COLEC10: variants seen among roughly 807,000 people sequenced by gnomAD.
COLEC10 encodes the protein collectin-10.
COLEC10 carries 22 observed loss-of-function variants against 28.4 expected under a neutral mutation model. The ratio of observed to expected loss-of-function variants is 0.78; its 90% CI spans 0.55 to 1.11. The LOEUF is 1.11. Among genes scored for constraint, COLEC10 ranks in the 50% least tolerant of loss-of-function variants. The pLI is 0.00. For missense variants in COLEC10, 361 were observed against 344.1 expected (o/e 1.05, Z -0.39); for synonymous variants, 125 against 116.1 (o/e 1.08, Z -0.49).
In COLEC10 at chr8:119,106,298, C is replaced by G; in HGVS notation, c.*107C>G. On this transcript the variant is annotated 3_prime_UTR_variant, in exon 6 of 6. Transcript: ENST00000332843. ...CTACATTTGATCTGAGTCAACATAG[C>G]TAGAAAATGCTAAACTGAGGTATGG... The G allele has an allele frequency of 4.2e-6, 5 of 1,176,552 alleles. No individual in the cohort carries two copies. Among genetic ancestry groups the G allele is most frequent in the Non-Finnish European group, 6.0e-6 (5 of 837,624 alleles). The allele number at this position is 1,176,552 out of a possible 1,614,324, so 72.9% of individuals were successfully genotyped here. A position where few individuals can be genotyped will look rare whatever the true frequency, so the allele number is the denominator to read the frequency against.
chr8:119,023,782 T>A (rs1158925527), intron 2 of COLEC10, among the ~76,000 whole-genome samples: 1 of 152,194 alleles, frequency 6.6e-6, no homozygotes, highest in Admixed American at 6.5e-5. Context: ...ATGCATTCTA[T>A]GAAAGCTACA....
the COLEC10 span, among the ~76,000 whole-genome samples, chr8:118,962,629 A>G: frequency 2.0e-5 from 3 of 152,196 alleles, no homozygotes; most frequent in Non-Finnish European, 4.4e-5. Context: ...TTAACATGAG[A>G]TCTACTCTCT....
chr8:118,957,618 C>T, the COLEC10 span, among the ~76,000 whole-genome samples: 12 of 152,294 alleles, frequency 7.9e-5, no homozygotes, highest in African/African-American at 2.9e-4. Flanking sequence ...AAGCCATTGG[C>T]ATGTCTTAAA....
intron 1 of COLEC10, among the ~76,000 whole-genome samples, chr8:119,085,599 C>CTTCTT (rs1563739053): frequency 4.9e-4 from 31 of 63,560 alleles, no homozygotes; most frequent in East Asian, 1.8e-3. Flanking sequence ...TCTTCTTCTT[C>CTTCTT]TTTTTTTTTT....
chr8:119,014,611 C>T (rs1313575290), intron 2 of COLEC10, among the ~76,000 whole-genome samples: 1 of 150,592 alleles, frequency 6.6e-6, no homozygotes, highest in Admixed American at 6.6e-5. Flanking sequence ...AGTTTCATGT[C>T]TGATAATAAT....
chr8:119,050,130 T>C (rs1814652030), intron 2 of COLEC10, among the ~76,000 whole-genome samples: 5 of 152,330 alleles, frequency 3.3e-5, no homozygotes, highest in Admixed American at 2.6e-4. Flanking sequence ...GTAAAGTACT[T>C]GCAACATGAA....
chr8:118,976,513 G>A, the COLEC10 span: 1 of 152,268 alleles, frequency 6.6e-6, no homozygotes, highest in Non-Finnish European at 1.5e-5. Flanking sequence ...ACAAATTACT[G>A]TGCTCGCTTC....
intron 2 of COLEC10, among the ~76,000 whole-genome samples, chr8:119,038,642 T>A (rs1814434550): frequency 6.6e-6 from 1 of 152,250 alleles, no homozygotes; most frequent in South Asian, 2.1e-4. Flanking sequence ...AGAAATGTAT[T>A]TAAACCAACA....
chr8:119,081,280 A>C (rs1815361459), intron 1 of COLEC10, among the ~76,000 whole-genome samples: 1 of 152,166 alleles, frequency 6.6e-6, no homozygotes, highest in South Asian at 2.1e-4. Context: ...TATGATACAG[A>C]CTTATACATA....
chr8:118,975,863 G>A, the COLEC10 span, among the ~76,000 whole-genome samples: 2 of 151,990 alleles, frequency 1.3e-5, no homozygotes, highest in East Asian at 3.9e-4. Context: ...TGTAAACCAC[G>A]AATTTCTTAC....
chr8:119,036,287 T>C (rs906278988), intron 2 of COLEC10, among the ~76,000 whole-genome samples: 1 of 152,232 alleles, frequency 6.6e-6, no homozygotes, highest in African/African-American at 2.4e-5. Flanking sequence ...AACGTACTGT[T>C]GAGTACTTTG....
At chr8:119,042,441 C>A (rs1193355634) in intron 2 of COLEC10, among the ~76,000 whole-genome samples, 2 of 151,278 alleles carry the variant, frequency 1.3e-5, no homozygotes, top group Middle Eastern at 3.4e-3. Flanking sequence ...TGTAAATAGC[C>A]GTGTTTTTAG....
chr8:119,105,264 G>C (rs533094625), intron 5 of COLEC10, among the ~76,000 whole-genome samples: 1 of 152,276 alleles, frequency 6.6e-6, no homozygotes, highest in Admixed American at 6.5e-5. Flanking sequence ...AAAATGTGTT[G>C]AGTGCTAGAA....
chr8:119,106,217 T>C lies in COLEC10; in HGVS notation c.*26T>C, dbSNP rs1415261312. On this transcript the variant is annotated 3_prime_UTR_variant, in exon 6 of 6. Coordinates refer to ENST00000332843, the MANE Select transcript of COLEC10 (RefSeq NM_006438.5). ...CTTCCCTCATCCTACGTATTTGCTA[T>C]TTTCCTGTGACCGTCATTACAGTTA... 2.5e-6 allele frequency: 4 copies of C among 1,572,460 alleles called. No individual in the cohort carries two copies. Among genetic ancestry groups the C allele is most frequent in the African/African-American group, 1.4e-5 (1 of 73,648 alleles).
chr8:118,966,671 G>A, the COLEC10 span, among the ~76,000 whole-genome samples: 2 of 149,090 alleles, frequency 1.3e-5, no homozygotes, highest in Non-Finnish European at 3.0e-5. Context: ...GGATGAAAAT[G>A]TTCCATGTTT....
At chr8:119,100,737 CTCACAACATGTA>C (rs1472847794) in intron 3 of COLEC10, among the ~76,000 whole-genome samples, 2 of 152,180 alleles carry the variant, frequency 1.3e-5, no homozygotes, top group African/African-American at 4.8e-5. Context: ...CAATGTCTCT[CTCACAACATGTA>C]TCACGTTCCA....
chr8:118,956,108 G>T, the COLEC10 span, among the ~76,000 whole-genome samples: 1 of 152,130 alleles, frequency 6.6e-6, no homozygotes, highest in Non-Finnish European at 1.5e-5. Flanking sequence ...ACTTTACCTT[G>T]CAACCTTACG....
chr8:119,022,673 T>C (rs1259817038), intron 2 of COLEC10, among the ~76,000 whole-genome samples: 1 of 152,048 alleles, frequency 6.6e-6, no homozygotes, highest in Non-Finnish European at 1.5e-5. Context: ...ACCTCTCACC[T>C]GGATTGTTGC....
At chr8:119,068,160 A>ATT (rs762996665) in intron 1 of COLEC10, 3 of 152,166 alleles carry the variant, frequency 2.0e-5, no homozygotes, top group Non-Finnish European at 4.4e-5. Flanking sequence ...GTGCTCCCTT[A>ATT]TTAGTAATTC....
Sources: allele counts gnomAD v4.1 joint callset (sites outside exome capture counted in the v4.1 genomes callset), GRCh38; gene constraint gnomAD v4.1.1; transcripts MANE v1.5; gene names NCBI Gene and HGNC (gene_info 2026-07-23, HGNC 2026-07-21).